KCNC1: variants seen among roughly 807,000 people sequenced by gnomAD.
The protein encoded by KCNC1 is potassium voltage-gated channel subfamily C member 1, also known as voltage-gated potassium channel KCNC1.
Under a neutral mutation model 43.4 loss-of-function variants are expected in KCNC1, and 8 were observed. The observed-to-expected ratio is 0.18, with a 90% confidence interval of 0.11 to 0.33. The LOEUF is 0.33. Among genes scored for constraint, KCNC1 ranks in the 10% least tolerant of loss-of-function variants. KCNC1 has a pLI of 1.00. For synonymous variants in KCNC1, 361 were observed against 360.5 expected, an observed-to-expected ratio of 1.00 and a Z score of -0.01; for missense variants, 420 against 836.0, an observed-to-expected ratio of 0.50 and a Z score of 6.14.
chr11:17,754,988 C>T (rs1849008116), intron 1 of KCNC1, among the ~76,000 whole-genome samples: 1 of 152,042 alleles, frequency 6.6e-6, no homozygotes, highest in African/African-American at 2.4e-5. Context: ...ATGATCTGTG[C>T]TGGGGGGAAC....
chr11:17,757,592 C>A (rs549889727), intron 1 of KCNC1, among the ~76,000 whole-genome samples: 27 of 152,292 alleles, frequency 1.8e-4, no homozygotes, highest in African/African-American at 6.3e-4. Context: ...CATTGAACTG[C>A]CCCCTTGAGA....
chr11:17,763,007 A>G (rs1849095786), intron 1 of KCNC1, among the ~76,000 whole-genome samples: 1 of 152,102 alleles, frequency 6.6e-6, no homozygotes, highest in African/African-American at 2.4e-5. Context: ...CAAAAAAAAG[A>G]TACGCATCTT....
rs1848754016 is a variant in KCNC1, at chr11:17,735,614, A to C, written c.-389A>C. On this transcript the variant is annotated 5_prime_UTR_variant, in exon 1 of 4. Coordinates refer to ENST00000265969, the MANE Select transcript of KCNC1 (RefSeq NM_001112741.2). The surrounding 1 kb of genome is among the most constrained non-coding windows in gnomAD (Gnocchi z 6.7). ...ATGGGGACGGGAGCCCGGCCCCCCA[A>C]CCCATTTTCCCCACCTCCCGGGGCT... is the stretch of plus-strand genomic sequence containing the variant. 37 of 158,964 alleles carry C rather than the reference A, an allele frequency of 2.3e-4. No homozygotes were observed. Among genetic ancestry groups the C allele is most frequent in the East Asian group, 6.9e-4 (4 of 5,788 alleles). The allele number at this position is 158,964 out of a possible 1,614,324, so 9.8% of individuals were successfully genotyped here.
rs747611288 is a variant in KCNC1 at position 17,779,259 on chromosome 11, C to T, written c.1505-197C>T. 1.2e-4 allele frequency: 64 copies of T among 545,160 alleles called. No individual in the cohort carries two copies. The highest frequency in any genetic ancestry group is 1.7e-4 in the Non-Finnish European group (53 of 311,912). The allele number at this position is 545,160 out of a possible 1,614,324, so 33.8% of individuals were successfully genotyped here. On this transcript the variant is annotated intron_variant, in intron 2 of 3. Coordinates refer to ENST00000265969, the MANE Select transcript of KCNC1 (RefSeq NM_001112741.2). This position sits in a 1 kb window ranked among gnomAD's most constrained non-coding sequence, Gnocchi z 7.2. ...CCCACTCCCAGCACTGTGGGCAGCC[C>T]GAAGGCTGCCTGAATGAGCTGAACC...
chr11:17,777,605 G>A lies in KCNC1; in HGVS notation c.1505-1851G>A, dbSNP rs1422168135. ...TGCAGACATGCCCCAAGACCCCAGA[G>A]ACGCCCCGGCCCCAGTCACATGGTG... is the stretch of plus-strand genomic sequence containing the variant. On this transcript the variant is annotated intron_variant, in intron 2 of 3. Coordinates refer to ENST00000265969, the MANE Select transcript of KCNC1 (RefSeq NM_001112741.2). This position sits in a 1 kb window ranked among gnomAD's most constrained non-coding sequence, Gnocchi z 4.3. 1 of 985,782 alleles carries A rather than the reference G, an allele frequency of 1.0e-6. No homozygotes were observed. Among genetic ancestry groups the A allele is most frequent in the African/African-American group, 1.7e-5 (1 of 57,250 alleles). 61.1% of individuals were successfully genotyped at this position (985,782 alleles called of 1,614,324 possible).
At chr11:17,765,361 A>G (rs981110336) in intron 1 of KCNC1, among the ~76,000 whole-genome samples, 1 of 152,264 alleles carries the variant, frequency 6.6e-6, no homozygotes, top group Admixed American at 6.5e-5. Flanking sequence ...CATAAATGAA[A>G]GTCATAGCAC....
chr11:17,741,142 C>T (rs1429200705), intron 1 of KCNC1, among the ~76,000 whole-genome samples: 1 of 152,024 alleles, frequency 6.6e-6, no homozygotes, highest in Admixed American at 6.6e-5. Context: ...CAAGGGCCTT[C>T]CACCACAGTG....
chr11:17,759,981 G>A (rs932496541), intron 1 of KCNC1, among the ~76,000 whole-genome samples: 1 of 152,076 alleles, frequency 6.6e-6, no homozygotes, highest in Non-Finnish European at 1.5e-5. Context: ...GCAGTCGAAC[G>A]AGGCATGTCT....
Position 17,771,686 on chromosome 11 carries a change from T to C in KCNC1, c.592T>C (p.Phe198Leu). The C allele has an allele frequency of 6.2e-7, 1 of 1,609,474 alleles. No homozygotes were observed. The highest frequency in any genetic ancestry group is 8.5e-7 in the Non-Finnish European group (1 of 1,175,954). Residue 198 changes from phenylalanine to leucine, a missense_variant, in exon 2 of 4, where the codon TTC (phenylalanine) becomes CTC (leucine). Physicochemically the swap from Phe to Leu is conservative, Grantham distance 22. Transcript: ENST00000265969. The surrounding 1 kb of genome is among the most constrained non-coding windows in gnomAD (Gnocchi z 4.7). ...ACAGTATGTGGCCTTCGCTTCCCTC[T>C]TCTTCATCCTGGTCTCCATCACCAC... ...YARYVAFASLFFILVSITTFC... is the reference protein window; with the variant it reads ...YARYVAFASLLFILVSITTFC...
intron 1 of KCNC1, among the ~76,000 whole-genome samples, chr11:17,768,708 G>C (rs1340699479): frequency 6.6e-6 from 1 of 151,988 alleles, no homozygotes; most frequent in Non-Finnish European, 1.5e-5. Context: ...AGAGCCAAGT[G>C]TGCAGTGGGC....
At chr11:17,750,788 C>T (rs1026602167) in intron 1 of KCNC1, among the ~76,000 whole-genome samples, 14 of 152,212 alleles carry the variant, frequency 9.2e-5, no homozygotes, top group African/African-American at 3.1e-4. Context: ...GCTAGGCCGG[C>T]TCTCATGGCT....
chr11:17,766,720 T>C (rs1459741753), intron 1 of KCNC1, among the ~76,000 whole-genome samples: 1 of 152,174 alleles, frequency 6.6e-6, no homozygotes, highest in African/African-American at 2.4e-5. Flanking sequence ...AGGCACAACC[T>C]GCTCTTACGG....
rs569407199 is a variant in KCNC1 at position 17,740,133 on chromosome 11, C to T, written c.570+3561C>T. Among the ~76,000 whole-genome samples, 15 of 152,232 alleles carry T rather than the reference C, an allele frequency of 9.9e-5. No individual in the cohort carries two copies. In the East Asian group the frequency reaches 1.5e-3, roughly 16 times the overall value. On this transcript the variant is annotated intron_variant, in intron 1 of 3. Coordinates refer to ENST00000265969, the MANE Select transcript of KCNC1 (RefSeq NM_001112741.2). ...GGAGATAGGGGCTACATAGTCGGGG[C>T]GGGAGGGCCCATCTGAGTTCCTGAG...
At chr11:17,775,947 C>T in intron 2 of KCNC1, 3 of 985,428 alleles carry the variant, frequency 3.0e-6, no homozygotes, top group Non-Finnish European at 3.6e-6. Context: ...CCCTGCTGGG[C>T]AGCAGTGGCT....
At position 17,779,781 on chromosome 11, in the gene KCNC1, C is replaced by G; in HGVS notation, c.1693+137C>G. On this transcript the variant is annotated intron_variant, in intron 3 of 3. Transcript: ENST00000265969. This position sits in a 1 kb window ranked among gnomAD's most constrained non-coding sequence, Gnocchi z 7.2. ...GGGGGCAAGGATGGAGGGAATCTCC[C>G]AGGGTCGGCCCCTGGAGGGCTGAGG... 1.4e-6 allele frequency: 1 copy of G among 692,604 alleles called. No homozygotes were observed. The allele number at this position is 692,604 out of a possible 1,614,324, so 42.9% of individuals were successfully genotyped here. A position where few individuals can be genotyped will look rare whatever the true frequency, so the allele number is the denominator to read the frequency against.
rs1306212170 is a variant in KCNC1, at chr11:17,781,736, C to T, written c.*2C>T. 6.4e-7 allele frequency: 1 copy of T among 1,550,710 alleles called. No homozygotes were observed. The highest frequency in any genetic ancestry group is 8.7e-7 in the Non-Finnish European group (1 of 1,146,086). On this transcript the variant is annotated 3_prime_UTR_variant, in exon 4 of 4. Transcript: ENST00000265969. The surrounding 1 kb of genome is among the most constrained non-coding windows in gnomAD (Gnocchi z 5.1). Reference sequence around the variant, plus strand: ...ACAGAGGCTGTGAGAGTGACTTGACCAGGCGGCTTGGCCGAGGACACTGGT... The same window carrying T: ...ACAGAGGCTGTGAGAGTGACTTGACTAGGCGGCTTGGCCGAGGACACTGGT...
Position 17,742,638 on chromosome 11 carries a change from T to C in KCNC1, c.570+6066T>C, listed in dbSNP as rs1278801188. Among the ~76,000 whole-genome samples, 2 of 152,142 alleles carry C rather than the reference T, an allele frequency of 1.3e-5. No individual in the cohort carries two copies. Among genetic ancestry groups the C allele is most frequent in the Admixed American group, 6.5e-5 (1 of 15,280 alleles). ...TTATTCAGGGGAACCATTTAGGTGG[T>C]AGGGACCACTTCACATATGCATGGG... On this transcript the variant is annotated intron_variant, in intron 1 of 3. Coordinates refer to ENST00000265969, the MANE Select transcript of KCNC1 (RefSeq NM_001112741.2). The surrounding 1 kb of genome is among the most constrained non-coding windows in gnomAD (Gnocchi z 4.2).
intron 2 of KCNC1, chr11:17,774,794 G>T: frequency 2.0e-6 from 2 of 985,338 alleles, no homozygotes; most frequent in Non-Finnish European, 2.4e-6. Flanking sequence ...TGCCTCCCCC[G>T]TCACCAACTG....
At chr11:17,770,592 C>T (rs1230535638) in intron 1 of KCNC1, among the ~76,000 whole-genome samples, 3 of 152,196 alleles carry the variant, frequency 2.0e-5, no homozygotes, top group African/African-American at 7.2e-5. Context: ...CCCATGCCTG[C>T]TGCAGGCTAG....
Sources: allele counts gnomAD v4.1 joint callset (sites outside exome capture counted in the v4.1 genomes callset), GRCh38; gene constraint gnomAD v4.1.1; non-coding constraint Gnocchi (gnomAD v3.1); transcripts MANE v1.5; gene names NCBI Gene and HGNC (gene_info 2026-07-23, HGNC 2026-07-21).